CNOT4: variants seen among roughly 807,000 people sequenced by gnomAD.
CNOT4 encodes CCR4-NOT transcription complex subunit 4.
Under a neutral mutation model 73.8 loss-of-function variants are expected in CNOT4, and 8 were observed. The ratio of observed to expected loss-of-function variants is 0.11; its 90% CI spans 0.06 to 0.20. The LOEUF (loss-of-function observed/expected upper bound fraction) is 0.20. Ranked by LOEUF, CNOT4 falls within the 10% of genes least tolerant of loss-of-function variation. CNOT4 has a pLI of 1.00. For missense variants in CNOT4, 564 were observed against 883.4 expected (o/e 0.64, Z 4.58); for synonymous variants, 293 against 321.1 (o/e 0.91, Z 0.94).
intron 2 of CNOT4, among the ~76,000 whole-genome samples, chr7:135,435,281 CT>C (rs1018141813): frequency 1.3e-5 from 2 of 152,124 alleles, no homozygotes; most frequent in African/African-American, 4.8e-5. Context: ...TTGATTATTT[CT>C]TCCTATTCAT....
chr7:135,364,795 T>C lies in CNOT4; in HGVS notation c.1628-729A>G, dbSNP rs1172521430. Among the ~76,000 whole-genome samples, 1 of 152,216 alleles carries C rather than the reference T, an allele frequency of 6.6e-6. No homozygotes were observed. The highest frequency in any genetic ancestry group is 2.4e-5 in the African/African-American group (1 of 41,450). On this transcript the variant is annotated intron_variant, in intron 10 of 11. Transcript: ENST00000541284. The surrounding 1 kb of genome is among the most constrained non-coding windows in gnomAD (Gnocchi z 4.3). ...GTTTTCTGGGTCTATTTATGAATAG[T>C]ATCAAACATGAGAAGACACTAGCAA...
intron 7 of CNOT4, among the ~76,000 whole-genome samples, chr7:135,398,473 C>T (rs73158930): frequency 0.14 from 21,378 of 151,914 alleles, 1,735 homozygotes; most frequent in Non-Finnish European, 0.19. Context: ...TGACATGACA[C>T]TCAAAGAAAA....
At chr7:135,444,820 C>T in intron 1 of CNOT4, 1 of 1,605,142 alleles carries the variant, frequency 6.2e-7, no homozygotes, top group South Asian at 1.1e-5. Context: ...TCGCAGAAAG[C>T]TGCCAAGGCA....
intron 1 of CNOT4, among the ~76,000 whole-genome samples, chr7:135,504,876 C>A (rs933800392): frequency 6.6e-6 from 1 of 151,978 alleles, no homozygotes; most frequent in Non-Finnish European, 1.5e-5. Flanking sequence ...GATCTGCCCA[C>A]CTCGGCCTCC....
At chr7:135,493,017 T>C (rs1346137100) in intron 1 of CNOT4, among the ~76,000 whole-genome samples, 5 of 152,068 alleles carry the variant, frequency 3.3e-5, no homozygotes, top group African/African-American at 1.2e-4. Context: ...CCAGCAAACA[T>C]GAGGATTTAC....
In CNOT4 at chr7:135,398,151, A is replaced by G; in HGVS notation, c.879+18T>C. The G allele has an allele frequency of 7.3e-7, 1 of 1,376,018 alleles. No individual in the cohort carries two copies. The allele number at this position is 1,376,018 out of a possible 1,614,324, so 85.2% of individuals were successfully genotyped here. A position where few individuals can be genotyped will look rare whatever the true frequency, so the allele number is the denominator to read the frequency against. ...GAGTATGGCAAATAAATCAAGTGAT[A>G]CTGTATTCAAATCTTACCTGCTGGG... On this transcript the variant is annotated intron_variant, in intron 8 of 11. Transcript: ENST00000541284.
intron 1 of CNOT4, among the ~76,000 whole-genome samples, chr7:135,470,159 C>T (rs1349924230): frequency 6.6e-6 from 1 of 151,276 alleles, no homozygotes; most frequent in African/African-American, 2.4e-5. Flanking sequence ...CAGGGTCTCA[C>T]TTTGTCACCC....
At chr7:135,397,186 T>C (rs976010910) in intron 8 of CNOT4, among the ~76,000 whole-genome samples, 3 of 152,076 alleles carry the variant, frequency 2.0e-5, no homozygotes, top group African/African-American at 7.2e-5. Context: ...AGAGAAAAAT[T>C]AGTTCACAGA....
chr7:135,409,028 T>C (rs1797454470), intron 7 of CNOT4, among the ~76,000 whole-genome samples: 1 of 152,200 alleles, frequency 6.6e-6, no homozygotes, highest in African/African-American at 2.4e-5. Flanking sequence ...AGAGATCATC[T>C]AAATTTTAAA....
chr7:135,403,871 T>A (rs1263566866), intron 7 of CNOT4, among the ~76,000 whole-genome samples: 2 of 152,220 alleles, frequency 1.3e-5, no homozygotes, highest in African/African-American at 4.8e-5. Context: ...ATTCATAAAT[T>A]CTGTATTTCA....
At chr7:135,466,147 CTG>C (rs1465205613) in intron 1 of CNOT4, among the ~76,000 whole-genome samples, 3 of 151,610 alleles carry the variant, frequency 2.0e-5, no homozygotes, top group African/African-American at 7.3e-5. Context: ...GTGTTTTAAG[CTG>C]TGTTATTATA....
intron 6 of CNOT4, among the ~76,000 whole-genome samples, chr7:135,411,775 T>C (rs910667701): frequency 1.8e-4 from 27 of 151,930 alleles, no homozygotes; most frequent in Non-Finnish European, 2.7e-4. Context: ...GTGAGGGCAA[T>C]TGCACTTAAC....
chr7:135,494,187 C>T (rs1034729258), intron 1 of CNOT4, among the ~76,000 whole-genome samples: 2 of 151,814 alleles, frequency 1.3e-5, no homozygotes, highest in African/African-American at 4.8e-5. Context: ...GTACCACCAG[C>T]GGTGGGGCGC....
At chr7:135,498,572 G>A (rs766426667) in intron 1 of CNOT4, among the ~76,000 whole-genome samples, 1 of 151,928 alleles carries the variant, frequency 6.6e-6, no homozygotes, top group Non-Finnish European at 1.5e-5. Flanking sequence ...TTTTTGAGAC[G>A]GACTCTTGCT....
At chr7:135,409,696 GATC>G (rs1050668527) in intron 7 of CNOT4, among the ~76,000 whole-genome samples, 3 of 151,826 alleles carry the variant, frequency 2.0e-5, no homozygotes, top group Admixed American at 1.3e-4. Flanking sequence ...TTTAAAAAAA[GATC>G]ATCAACATAA....
chr7:135,422,222 A>G lies in CNOT4; in HGVS notation c.306T>C (p.Ser102=), dbSNP rs779869200. The G allele has an allele frequency of 3.1e-6, 5 of 1,611,524 alleles. No homozygotes were observed. Among genetic ancestry groups the G allele is most frequent in the South Asian group, 2.2e-5 (2 of 91,030 alleles). The change falls in exon 3 of 12, where the codon AGT becomes AGC. Residue 102 remains serine, a synonymous_variant. Coordinates refer to ENST00000541284, the MANE Select transcript of CNOT4 (RefSeq NM_001190850.2). ...CGAGGTTTTTTTGTACGACACGTACACTAGCCAAATGTTTGCGATTTTCTG... is the reference window on the plus strand; with the variant it reads ...CGAGGTTTTTTTGTACGACACGTACGCTAGCCAAATGTTTGCGATTTTCTG... ...KISENRKHLA[S]VRVVQKNLVF...
intron 10 of CNOT4, among the ~76,000 whole-genome samples, chr7:135,370,739 C>G (rs6963795): frequency 0.035 from 5,356 of 152,272 alleles, 323 homozygotes; most frequent in African/African-American, 0.12. Context: ...TGTTTAATTC[C>G]TATCTGTATA....
chr7:135,412,004 T>C (rs1797612576), intron 6 of CNOT4, among the ~76,000 whole-genome samples: 1 of 152,040 alleles, frequency 6.6e-6, no homozygotes, highest in Admixed American at 6.6e-5. Flanking sequence ...AATCCCCTTT[T>C]AAAGTAATTT....
At chr7:135,384,737 A>G in intron 10 of CNOT4, 1 of 765,160 alleles carries the variant, frequency 1.3e-6, no homozygotes, top group Non-Finnish European at 2.4e-6. Context: ...TCTGCCTTTA[A>G]ATATTTAGGT....
Sources: gnomAD v4.1 joint callset for allele counts (sites outside exome capture counted in the v4.1 genomes callset) on GRCh38, gnomAD v4.1.1 for gene constraint, Gnocchi (gnomAD v3.1) non-coding constraint, MANE v1.5 for transcripts, NCBI Gene and HGNC (gene_info 2026-07-23, HGNC 2026-07-21) for gene names.